SATL1: variants seen among roughly 807,000 people sequenced by gnomAD.
The protein encoded by SATL1 is spermidine/spermine N1-acetyl transferase like 1.
SATL1 carries 47 observed loss-of-function variants against 51.8 expected under a neutral mutation model. That is an observed-to-expected ratio of 0.91 (90% CI 0.72 to 1.16). The LOEUF is 1.16. Among genes scored for constraint, SATL1 ranks in the 50% most tolerant of loss-of-function variants. The probability of loss-of-function intolerance (pLI) is 0.00; values close to 1 mark genes in which losing one functional copy is unlikely to be tolerated. For missense variants in SATL1, 520 were observed against 526.4 expected, an observed-to-expected ratio of 0.99 and a Z score of 0.12; for synonymous variants, 176 against 182.4, an observed-to-expected ratio of 0.97 and a Z score of 0.28.
chrX:85,150,117 A>G (rs1020863638), intron 2 of SATL1, among the ~76,000 whole-genome samples: 2 of 111,663 alleles, frequency 1.8e-5, no homozygotes, highest in African/African-American at 6.5e-5. Context: ...ATGCAATAAA[A>G]AATGATAAAG....
At chrX:85,159,647 T>C (rs932518014) in intron 2 of SATL1, among the ~76,000 whole-genome samples, 45 of 111,837 alleles carry the variant, frequency 4.0e-4, no homozygotes, top group African/African-American at 1.4e-3. Context: ...ATGTTTTTTT[T>C]CAAAATAAAT....
At chrX:85,104,014 C>A in intron 3 of SATL1, 99 bp from the exon 4 acceptor site, 1 of 609,787 alleles carries the variant, frequency 1.6e-6, no homozygotes, top group Non-Finnish European at 2.6e-6. Context: ...TGACATGTGA[C>A]GTCCTGGGCA....
intron 2 of SATL1, among the ~76,000 whole-genome samples, chrX:85,153,283 G>T (rs1360148432): frequency 9.0e-6 from 1 of 111,419 alleles, no homozygotes; most frequent in East Asian, 2.8e-4. Flanking sequence ...TACATTCATT[G>T]CTGTAGGAGT....
intron 1 of SATL1, among the ~76,000 whole-genome samples, chrX:85,243,088 A>C (rs1328537971): frequency 8.9e-6 from 1 of 112,402 alleles, no homozygotes; most frequent in Non-Finnish European, 1.9e-5. Context: ...CTTTAGTGGT[A>C]TATTAGGTTA....
At chrX:85,207,210 C>A (rs1166429071) in intron 2 of SATL1, 1 of 111,571 alleles carries the variant, frequency 9.0e-6, no homozygotes, top group African/African-American at 3.3e-5. Context: ...ATCTGAGAAA[C>A]CCAGATCTAG....
At chrX:85,151,735 A>G (rs1247702853) in intron 2 of SATL1, among the ~76,000 whole-genome samples, 5 of 111,784 alleles carry the variant, frequency 4.5e-5, no homozygotes, top group African/African-American at 1.3e-4. Context: ...CCTATTTAAT[A>G]AATGGTGCTG....
rs761217109 is a variant in SATL1, at chrX:85,225,249, TACAC to T, written c.-434-927_-434-924del. 9.9e-5 allele frequency among the ~76,000 whole-genome samples: 11 copies of T among 111,588 alleles called. No homozygotes were observed. In the East Asian group the frequency reaches 2.5e-3, roughly 26 times the overall value. Reference sequence around the variant, plus strand: ...CACATATAACATTTTATAGAACAAATACACACACACAACTACAGATAAAACTAGG... The same window carrying T: ...CACATATAACATTTTATAGAACAAATACACACAACTACAGATAAAACTAGG... On this transcript the variant is annotated intron_variant, in intron 1 of 7. Coordinates refer to ENST00000644105, the MANE Select transcript of SATL1 (RefSeq NM_001367857.2).
At chrX:85,171,920 G>C (rs1926981120) in intron 2 of SATL1, among the ~76,000 whole-genome samples, 2 of 111,428 alleles carry the variant, frequency 1.8e-5, no homozygotes, top group African/African-American at 6.5e-5. Context: ...TTCTACTAAT[G>C]ACAACGTCTA....
At chrX:85,147,330 G>C (rs1040186377) in intron 2 of SATL1, among the ~76,000 whole-genome samples, 2 of 112,198 alleles carry the variant, frequency 1.8e-5, no homozygotes, top group African/African-American at 6.5e-5. Flanking sequence ...GCTCCAACTG[G>C]GTGGAGCCCA....
intron 2 of SATL1, among the ~76,000 whole-genome samples, chrX:85,181,166 G>T (rs1927192472): frequency 1.0e-5 from 1 of 99,481 alleles, no homozygotes; most frequent in Non-Finnish European, 2.0e-5. Context: ...CACACAGACA[G>T]ATATATATAT....
At chrX:85,184,686 G>A (rs764939468) in intron 2 of SATL1, among the ~76,000 whole-genome samples, 100 of 111,413 alleles carry the variant, frequency 9.0e-4, no homozygotes, top group Admixed American at 2.7e-3. Flanking sequence ...AAATTATTTC[G>A]ATCACTTTGT....
chrX:85,116,460 G>A (rs930240113), intron 2 of SATL1, among the ~76,000 whole-genome samples: 2 of 111,761 alleles, frequency 1.8e-5, no homozygotes, highest in African/African-American at 6.5e-5. Flanking sequence ...CCTTAGGGTG[G>A]GCTCTCTGCA....
intron 2 of SATL1, among the ~76,000 whole-genome samples, chrX:85,133,322 G>A (rs1470692962): frequency 8.9e-6 from 1 of 111,995 alleles, no homozygotes; most frequent in African/African-American, 3.2e-5. Flanking sequence ...CCCAGTTCGA[G>A]CTTCCTGTCC....
intron 2 of SATL1, among the ~76,000 whole-genome samples, chrX:85,173,936 C>T (rs893493366): frequency 1.1e-5 from 1 of 91,140 alleles, no homozygotes; most frequent in Non-Finnish European, 2.2e-5. Context: ...CCCATCCCCA[C>T]GACAGGCCCT....
chrX:85,105,275 T>A (rs1925011601), intron 3 of SATL1, among the ~76,000 whole-genome samples: 1 of 110,940 alleles, frequency 9.0e-6, no homozygotes. Flanking sequence ...GGCTGCTGTG[T>A]AGAGAATGGA....
chrX:85,145,826 G>A (rs1475912046), intron 2 of SATL1, among the ~76,000 whole-genome samples: 2 of 111,077 alleles, frequency 1.8e-5, no homozygotes, highest in African/African-American at 3.3e-5. Context: ...GTGGTACCAC[G>A]ATCTGAACAT....
chrX:85,203,900 C>T (rs1046611237), intron 2 of SATL1, among the ~76,000 whole-genome samples: 3 of 112,359 alleles, frequency 2.7e-5, no homozygotes, highest in Non-Finnish European at 5.6e-5. Context: ...GCTGCTCAAC[C>T]CCAAGGATTC....
intron 2 of SATL1, among the ~76,000 whole-genome samples, chrX:85,130,807 C>T (rs1055092735): frequency 1.8e-5 from 2 of 112,056 alleles, no homozygotes; most frequent in South Asian, 3.7e-4. Flanking sequence ...TCCCTCTACA[C>T]ACTGCTTTAA....
At chrX:85,099,181 C>G (rs1924820234) in intron 4 of SATL1, among the ~76,000 whole-genome samples, 1 of 111,306 alleles carries the variant, frequency 9.0e-6, no homozygotes. Context: ...GGACACATTC[C>G]TTCAAACATG....
Sources: allele counts gnomAD v4.1 joint callset (sites outside exome capture counted in the v4.1 genomes callset), GRCh38; gene constraint gnomAD v4.1.1; transcripts MANE v1.5; gene names NCBI Gene and HGNC (gene_info 2026-07-23, HGNC 2026-07-21).